The following KIAA1671 variants were observed in gnomAD, a reference collection of about 807,000 sequenced individuals.
The protein encoded by KIAA1671 is KIAA1671, also known as uncharacterized protein KIAA1671.
KIAA1671 carries 52 observed loss-of-function variants against 131.2 expected under a neutral mutation model. That is an observed-to-expected ratio of 0.40 (90% CI 0.32 to 0.50). The LOEUF is 0.50. Among genes scored for constraint, KIAA1671 ranks in the 20% least tolerant of loss-of-function variants. The pLI is 0.73. For synonymous variants in KIAA1671, 1,003 were observed against 961.6 expected, an observed-to-expected ratio of 1.04 and a Z score of -0.80; for missense variants, 2,360 against 2,364.2, an observed-to-expected ratio of 1.00 and a Z score of 0.04.
rs779629642 is a variant in KIAA1671, at chr22:25,031,295, CACGCCATTCT to C, written c.1542-1313_1542-1304del. Among the ~76,000 whole-genome samples the C allele has an allele frequency of 7.3e-5, 11 of 151,032 alleles. No individual in the cohort carries two copies. The East Asian group carries it at 1.4e-3, about 19-fold the overall frequency. ...CGCTGCAAGCTCCGCCTCCCAGGTT[CACGCCATTCT>C]CCTGCCTCAGCCTCCCAAGTAGCTG... is the stretch of plus-strand genomic sequence containing the variant. On this transcript the variant is annotated intron_variant, in intron 3 of 12. Transcript: ENST00000358431.
intron 1 of KIAA1671, among the ~76,000 whole-genome samples, chr22:24,959,183 A>G (rs1284515947): frequency 1.3e-5 from 2 of 151,516 alleles, no homozygotes; most frequent in Non-Finnish European, 2.9e-5. Context: ...ACATAAATAC[A>G]TAAAAATTTA....
intron 1 of KIAA1671, among the ~76,000 whole-genome samples, chr22:25,003,097 T>G (rs933057142): frequency 6.6e-6 from 1 of 152,126 alleles, no homozygotes; most frequent in African/African-American, 2.4e-5. Context: ...TTTAAACTTT[T>G]TTTTCCCTCT....
At chr22:25,047,406 C>T (rs2145817400) in intron 5 of KIAA1671, among the ~76,000 whole-genome samples, 1 of 151,760 alleles carries the variant, frequency 6.6e-6, no homozygotes, top group East Asian at 1.9e-4. Context: ...CTGCCTTGGC[C>T]TCCCAAAGTG....
intron 6 of KIAA1671, among the ~76,000 whole-genome samples, chr22:25,090,599 C>A (rs187383613): frequency 2.6e-4 from 39 of 152,388 alleles, no homozygotes; most frequent in Middle Eastern, 3.4e-3. Flanking sequence ...CAGCCAGGGG[C>A]TGGCCCCTTC....
chr22:25,070,633 C>G (rs1201505327), intron 6 of KIAA1671, among the ~76,000 whole-genome samples: 3 of 151,668 alleles, frequency 2.0e-5, no homozygotes, highest in African/African-American at 7.3e-5. Context: ...AGCTGAGACT[C>G]CTGAACAGGA....
At position 25,071,370 on chromosome 22, in the gene KIAA1671, C is replaced by T. The variant is rs145207099; in HGVS notation, c.4530+22006C>T. ...AACTTTAGGAAACATTGCCTTTTAG[C>T]CGCCAGTCCCAGAGTGTCTCACCTC... On this transcript the variant is annotated intron_variant, in intron 6 of 12. Coordinates refer to ENST00000358431, the MANE Select transcript of KIAA1671 (RefSeq NM_001145206.2). Among the ~76,000 whole-genome samples the T allele has an allele frequency of 1.0e-3, 152 of 152,324 alleles. 2 individuals carry two copies. The highest frequency in any genetic ancestry group is 3.6e-3 in the African/African-American group (151 of 41,568).
At position 25,002,302 on chromosome 22, in the gene KIAA1671, A is replaced by G. The variant is rs7287238; in HGVS notation, c.-207-23331A>G. ...GGCTCCCCCAGAAGCAGGCCCAGAG[A>G]CAAGGATGGGAACATGAATGGCTTT... On this transcript the variant is annotated intron_variant, in intron 1 of 12. Transcript: ENST00000358431. 4.1e-3 allele frequency among the ~76,000 whole-genome samples: 630 copies of G among 152,236 alleles called. 6 individuals are homozygous for G. The highest frequency in any genetic ancestry group is 5.7e-3 in the Non-Finnish European group (385 of 68,016).
chr22:25,163,694 T>C (rs902537943), intron 6 of KIAA1671, among the ~76,000 whole-genome samples: 1 of 151,986 alleles, frequency 6.6e-6, no homozygotes, highest in Non-Finnish European at 1.5e-5. Context: ...CACCTCGGCC[T>C]CCCAAAGTGC....
At chr22:25,005,770 A>C (rs554050716) in intron 1 of KIAA1671, among the ~76,000 whole-genome samples, 2 of 152,332 alleles carry the variant, frequency 1.3e-5, no homozygotes, top group South Asian at 4.1e-4. Context: ...CTGGGGTCAG[A>C]CCATCAGCCC....
chr22:25,107,096 C>T (rs1263767323), intron 6 of KIAA1671, among the ~76,000 whole-genome samples: 3 of 152,068 alleles, frequency 2.0e-5, no homozygotes, highest in African/African-American at 7.2e-5. Flanking sequence ...CAGCTAGATT[C>T]TATAAAATTT....
chr22:25,052,907 G>A (rs1927616150), intron 6 of KIAA1671: 1 of 152,174 alleles, frequency 6.6e-6, no homozygotes, highest in Admixed American at 6.5e-5. Flanking sequence ...AGTAGAGATA[G>A]GTTTTGCCAT....
intron 4 of KIAA1671, among the ~76,000 whole-genome samples, chr22:25,033,694 T>C (rs1926428860): frequency 2.1e-5 from 3 of 145,342 alleles, no homozygotes; most frequent in Non-Finnish European, 1.5e-5. Context: ...TTCTCCTGCC[T>C]CAGCCTCCCA....
intron 6 of KIAA1671, chr22:25,055,693 A>G (rs1927792554): frequency 6.7e-6 from 1 of 150,084 alleles, no homozygotes; most frequent in Non-Finnish European, 1.5e-5. Flanking sequence ...TCTTTTTGGC[A>G]GAAATGTCCG....
chr22:25,135,334 C>T (rs963736710), intron 6 of KIAA1671, among the ~76,000 whole-genome samples: 13 of 152,202 alleles, frequency 8.5e-5, no homozygotes, highest in South Asian at 8.3e-4. Context: ...TACAGGCGCC[C>T]GCCACCAAGC....
chr22:25,019,999 AC>A (rs1925574495), intron 1 of KIAA1671, among the ~76,000 whole-genome samples: 1 of 152,182 alleles, frequency 6.6e-6, no homozygotes, highest in African/African-American at 2.4e-5. Context: ...TGGTTAGATA[AC>A]ACTGCAAAGG....
intron 1 of KIAA1671, among the ~76,000 whole-genome samples, chr22:25,020,673 A>T (rs940083454): frequency 6.6e-6 from 1 of 152,194 alleles, no homozygotes; most frequent in Non-Finnish European, 1.5e-5. Flanking sequence ...AGCCCCACTC[A>T]TGGAGCATTA....
In KIAA1671 at chr22:25,174,332, C is replaced by A. The variant is rs148687098; in HGVS notation, c.4742C>A (p.Pro1581His). Reference protein sequence around the residue: ...RLSSLSSQTEPTSAGDQYDCS... With the variant: ...RLSSLSSQTEHTSAGDQYDCS... ...TCTTCTCTGTCCTCCCAAACGGAGC[C>A]CACCTCGGCAGGGGACCAGTATGAC... Residue 1581 changes from proline (P) to histidine (H), a missense_variant, in exon 8 of 13, where the codon CCC becomes CAC. Physicochemically the swap from Pro to His is moderately conservative, Grantham distance 77 (BLOSUM62 -2). Coordinates refer to ENST00000358431, the MANE Select transcript of KIAA1671 (RefSeq NM_001145206.2). 2.6e-6 allele frequency: 4 copies of A among 1,552,022 alleles called. No individual in the cohort carries two copies. The highest frequency in any genetic ancestry group is 3.5e-6 in the Non-Finnish European group (4 of 1,147,070).
chr22:25,167,198 A>G (rs577656408), intron 6 of KIAA1671, among the ~76,000 whole-genome samples: 2 of 152,194 alleles, frequency 1.3e-5, no homozygotes, highest in African/African-American at 2.4e-5. Flanking sequence ...GCAGGGCCTG[A>G]GTGCATCCCT....
Position 25,185,037 on chromosome 22 carries a change from CA to C in KIAA1671, c.5262del (p.Gln1754HisfsTer37). ...SPGETPSWAP[Q>X]PKSPKSPFQP... is the part of the protein sequence containing the mutation. Reference sequence around the variant, plus strand: ...TGGCGAGACCCCCAGCTGGGCACCCCAACCCAAGAGCCCCAAGTCCCCCTTC... The same window carrying C: ...TGGCGAGACCCCCAGCTGGGCACCCCACCCAAGAGCCCCAAGTCCCCCTTC... On this transcript the variant is annotated frameshift_variant, in exon 11 of 13. Coordinates refer to ENST00000358431, the MANE Select transcript of KIAA1671 (RefSeq NM_001145206.2). LOFTEE classifies it high-confidence loss of function. 1 of 1,551,640 alleles carries C rather than the reference CA, an allele frequency of 6.4e-7. No homozygotes were observed. The highest frequency in any genetic ancestry group is 8.7e-7 in the Non-Finnish European group (1 of 1,146,982).
Sources: allele counts gnomAD v4.1 joint callset (sites outside exome capture counted in the v4.1 genomes callset), GRCh38; gene constraint gnomAD v4.1.1; transcripts MANE v1.5; gene names NCBI Gene and HGNC (gene_info 2026-07-23, HGNC 2026-07-21).